The following FAM91A1 variants were observed in gnomAD, a reference collection of about 807,000 sequenced individuals.
FAM91A1 encodes the protein protein FAM91A1.
Under a neutral mutation model 113.5 loss-of-function variants are expected in FAM91A1, and 41 were observed. That is an observed-to-expected ratio of 0.36 (90% CI 0.28 to 0.47). The LOEUF (loss-of-function observed/expected upper bound fraction) is 0.47, where lower values mean the gene tolerates loss of function less well. FAM91A1 is among the 20% of genes least tolerant of loss of function. The pLI, the probability that FAM91A1 is intolerant of heterozygous loss-of-function variation, is 1.00. For missense variants in FAM91A1, 696 were observed against 1,001.2 expected, an observed-to-expected ratio of 0.70 and a Z score of 4.11; for synonymous variants, 307 against 347.9, an observed-to-expected ratio of 0.88 and a Z score of 1.31.
chr8:123,781,820 A>C (rs915279969), intron 8 of FAM91A1, among the ~76,000 whole-genome samples: 6 of 152,196 alleles, frequency 3.9e-5, no homozygotes, highest in African/African-American at 1.4e-4. Context: ...ATACCTTAAA[A>C]AGTACAGGAA....
At chr8:123,779,813 C>T (rs1377113864) in intron 6 of FAM91A1, among the ~76,000 whole-genome samples, 172 bp from the exon 7 acceptor site, 1 of 152,100 alleles carries the variant, frequency 6.6e-6, no homozygotes, top group Non-Finnish European at 1.5e-5. Context: ...TATTTTGGCA[C>T]CTTAATTGAT....
chr8:123,775,113 GA>G (rs1235214844), intron 2 of FAM91A1, 33 bp from the exon 3 acceptor site: 13 of 1,536,574 alleles, frequency 8.5e-6, no homozygotes, highest in South Asian at 1.3e-5. Context: ...TAAGAAACCT[GA>G]AAAAAACTGG....
chr8:123,786,456 A>G (rs768843880), intron 11 of FAM91A1, 39 bp from the exon 12 acceptor site: 17 of 1,345,172 alleles, frequency 1.3e-5, no homozygotes, highest in Non-Finnish European at 1.7e-5. Context: ...AAGGTCATTT[A>G]TATGATTTTT....
intron 1 of FAM91A1, among the ~76,000 whole-genome samples, chr8:123,769,339 A>G (rs1814784133): frequency 6.6e-6 from 1 of 152,198 alleles, no homozygotes; most frequent in African/African-American, 2.4e-5. Context: ...GTGAAAGAAC[A>G]TGTCTCATGA....
In FAM91A1 at chr8:123,795,465, CTCTT is replaced by C. The variant is rs548217887; in HGVS notation, c.1412-2624_1412-2621del. Among the ~76,000 whole-genome samples the C allele has an allele frequency of 1.4e-3, 207 of 151,082 alleles. 3 individuals are homozygous for C. The highest frequency in any genetic ancestry group is 1.7e-3 in the Non-Finnish European group (115 of 67,860). On this transcript the variant is annotated intron_variant, in intron 15 of 23. Transcript: ENST00000334705. The stretch of plus-strand genomic sequence containing the variant: ...AAGTGTGTGCATCTTCCCCATCTCT[CTCTT>C]CCTCCTGCTCCGGCCATGTTAAGAT...
intron 8 of FAM91A1, among the ~76,000 whole-genome samples, chr8:123,784,030 C>G (rs1474406342): frequency 1.3e-5 from 2 of 152,214 alleles, no homozygotes; most frequent in Admixed American, 1.3e-4. Context: ...TTTGCATCCA[C>G]CTGGTTTTCG....
rs755229227 is a variant in FAM91A1, at chr8:123,805,303, G to A, written c.1846G>A (p.Val616Ile). 5.6e-6 allele frequency: 9 copies of A among 1,611,536 alleles called. No individual in the cohort carries two copies. In the Admixed American group the frequency reaches 1.5e-4, roughly 27 times the overall value. The part of the protein sequence containing the change: ...GLHGIGETVH[V>I]PFPFDETELQ... ...GCATGGGATAGGAGAAACTGTCCAT[G>A]TCCCATTTCCATTTGATGAAACAGA... Residue 616 changes from valine to isoleucine, a missense_variant, in exon 19 of 24, where the codon GTC becomes ATC. Transcript: ENST00000334705.
rs745560041 is a variant in FAM91A1 at position 123,780,074 on chromosome 8, T to C, written c.639T>C (p.His213=). 6.8e-6 allele frequency: 11 copies of C among 1,609,472 alleles called. No homozygotes were observed. In the East Asian group the frequency reaches 2.0e-4, roughly 29 times the overall value. Residue 213 remains histidine (H), a splice_region_variant and synonymous_variant, in exon 7 of 24, where the codon CAT becomes CAC. Coordinates refer to ENST00000334705, the MANE Select transcript of FAM91A1 (RefSeq NM_144963.4). ...GATCACTAGATTACAATGTAGTACA[T>C]AGTAAGTGGTTAGTAGAAATGGTCT... ...LSGSLDYNVV[H]SLYNKGFIYL...
chr8:123,775,966 A>AG (rs530677478), intron 3 of FAM91A1, among the ~76,000 whole-genome samples: 138 of 152,324 alleles, frequency 9.1e-4, no homozygotes, highest in African/African-American at 3.2e-3. Flanking sequence ...CTGTCTCAAA[A>AG]GAAAAAAAAG....
intron 14 of FAM91A1, 21 bp downstream of exon 14, chr8:123,787,771 A>G: frequency 6.4e-7 from 1 of 1,563,882 alleles, no homozygotes; most frequent in Middle Eastern, 1.7e-4. Flanking sequence ...ATTGCATGTA[A>G]GGGGATGTTA....
chr8:123,812,674 A>G lies in FAM91A1; in HGVS notation c.2487A>G (p.Ser829=), dbSNP rs1203081367. 3.8e-6 allele frequency: 6 copies of G among 1,593,710 alleles called. No individual in the cohort carries two copies. The highest frequency in any genetic ancestry group is 2.3e-5 in the East Asian group (1 of 44,062). Residue 829 remains serine, a synonymous_variant, in exon 24 of 24, where the codon TCA becomes TCG. Coordinates refer to ENST00000334705, the MANE Select transcript of FAM91A1 (RefSeq NM_144963.4). The part of the protein sequence containing the change: ...LSEWSGRSPS[S]LLIANLHLQ ...AATGGAGTGGACGGTCACCTTCCTC[A>G]CTTCTTATTGCTAATCTCCATTTGC... is the stretch of plus-strand genomic sequence containing the variant.
rs570942156 is a variant in FAM91A1 at position 123,812,660 on chromosome 8, C to T, written c.2473C>T (p.Arg825Trp). Residue 825 changes from arginine to tryptophan, a missense_variant, in exon 24 of 24, where the codon CGG (arginine) becomes TGG (tryptophan). Transcript: ENST00000334705. ...TGGTGTCTTATCAGAATGGAGTGGA[C>T]GGTCACCTTCCTCACTTCTTATTGC... The part of the protein sequence containing the change: ...KDGVLSEWSG[R>W]SPSSLLIANL... 5.2e-5 allele frequency: 83 copies of T among 1,602,728 alleles called. 1 individual carries two copies. The highest frequency in any genetic ancestry group is 6.4e-5 in the Non-Finnish European group (75 of 1,175,894).
chr8:123,787,487 T>TTA, intron 13 of FAM91A1, 114 bp downstream of exon 13: 1 of 1,028,978 alleles, frequency 9.7e-7, no homozygotes, highest in East Asian at 2.6e-5. Context: ...GAAGCACAAC[T>TTA]GACTTAGAGG....
intron 15 of FAM91A1, 29 bp downstream of exon 15, chr8:123,789,774 C>A: frequency 6.3e-7 from 1 of 1,599,150 alleles, no homozygotes; most frequent in African/African-American, 1.3e-5. Context: ...ATTTTGAAGA[C>A]ATGATCATAT....
chr8:123,791,124 T>C (rs374193925), intron 15 of FAM91A1, among the ~76,000 whole-genome samples: 3 of 152,204 alleles, frequency 2.0e-5, no homozygotes, highest in East Asian at 3.9e-4. Flanking sequence ...TATCACAGAA[T>C]GTGAGAACAT....
intron 3 of FAM91A1, 51 bp downstream of exon 3, chr8:123,775,349 C>G: frequency 6.3e-7 from 1 of 1,577,100 alleles, no homozygotes; most frequent in Non-Finnish European, 8.6e-7. Context: ...GACTACATGT[C>G]TGGGACTTTT....
intron 1 of FAM91A1, among the ~76,000 whole-genome samples, chr8:123,773,566 AT>A (rs1437988421): frequency 6.6e-6 from 1 of 152,224 alleles, no homozygotes; most frequent in African/African-American, 2.4e-5. Context: ...AGGAGATTGC[AT>A]TTTTAAGAAA....
chr8:123,783,074 A>C (rs1815163038), intron 8 of FAM91A1, among the ~76,000 whole-genome samples: 1 of 151,994 alleles, frequency 6.6e-6, no homozygotes, highest in Admixed American at 6.6e-5. Context: ...TACTTGGGGG[A>C]CTGGGGCAAG....
rs776637173 is a variant in FAM91A1 at position 123,814,138 on chromosome 8, G to A, written c.*1434G>A. On this transcript the variant is annotated 3_prime_UTR_variant, in exon 24 of 24. Coordinates refer to ENST00000334705, the MANE Select transcript of FAM91A1 (RefSeq NM_144963.4). ...CTGTGTTTGAGGTAAATGCAGTAAC[G>A]GTTAGTTTTCTACTTTGTCTTATAG... 87 of 389,162 alleles carry A rather than the reference G, an allele frequency of 2.2e-4. No individual in the cohort carries two copies. The highest frequency in any genetic ancestry group is 3.9e-4 in the Non-Finnish European group (79 of 204,998). The allele number at this position is 389,162 out of a possible 1,614,324, so 24.1% of individuals were successfully genotyped here.
Sources: gnomAD v4.1 joint callset for allele counts (sites outside exome capture counted in the v4.1 genomes callset) on GRCh38, gnomAD v4.1.1 for gene constraint, MANE v1.5 for transcripts, NCBI Gene and HGNC (gene_info 2026-07-23, HGNC 2026-07-21) for gene names.